Variants in MRTFB observed in about 807,000 individuals in gnomAD.
The protein encoded by MRTFB is myocardin-related transcription factor B.
A neutral mutation model predicts 104.2 loss-of-function variants in MRTFB; 29 were observed. The ratio of observed to expected loss-of-function variants is 0.28; its 90% CI spans 0.21 to 0.38. The LOEUF (loss-of-function observed/expected upper bound fraction) is 0.38, where lower values mean the gene tolerates loss of function less well. Among genes scored for constraint, MRTFB ranks in the 10% least tolerant of loss-of-function variants. MRTFB has a pLI of 1.00. For synonymous variants in MRTFB, 535 were observed against 519.5 expected (o/e 1.03, Z -0.41); for missense variants, 1,270 against 1,341.6 (o/e 0.95, Z 0.83).
intron 2 of MRTFB, among the ~76,000 whole-genome samples, chr16:14,127,119 G>T (rs2037151205): frequency 6.6e-6 from 1 of 152,190 alleles, no homozygotes; most frequent in Admixed American, 6.5e-5. Flanking sequence ...AGCTGGGATG[G>T]TGCAGAATAA....
chr16:14,212,447 C>T, intron 5 of MRTFB, 38 bp downstream of exon 5: 1 of 1,580,676 alleles, frequency 6.3e-7, no homozygotes, highest in African/African-American at 1.3e-5. Flanking sequence ...ACTTCTCTCT[C>T]CTTCTCTCCT....
intron 2 of MRTFB, among the ~76,000 whole-genome samples, chr16:14,115,882 C>A (rs1314503441): frequency 6.6e-6 from 1 of 152,142 alleles, no homozygotes. Flanking sequence ...TGAGTGCTTC[C>A]CCTCCCCTCC....
At chr16:14,062,213 C>T in the MRTFB span, among the ~76,000 whole-genome samples, 1 of 152,154 alleles carries the variant, frequency 6.6e-6, no homozygotes, top group African/African-American at 2.4e-5. Flanking sequence ...CTGCCTCAGC[C>T]TCCTGAGTAG....
chr16:14,156,813 A>G (rs1350682419), intron 3 of MRTFB, among the ~76,000 whole-genome samples: 1 of 152,224 alleles, frequency 6.6e-6, no homozygotes, highest in African/African-American at 2.4e-5. Context: ...AGAGACAACT[A>G]AAGACTGTAT....
chr16:14,200,665 G>A, intron 3 of MRTFB: 1 of 1,555,260 alleles, frequency 6.4e-7, no homozygotes, highest in Non-Finnish European at 8.9e-7. Flanking sequence ...AGAGCCACTG[G>A]GTGTTTGAAT....
chr16:14,017,059 T>C, the MRTFB span, among the ~76,000 whole-genome samples: 6 of 146,594 alleles, frequency 4.1e-5, no homozygotes, highest in East Asian at 2.0e-4. Context: ...TCTTCTTCTT[T>C]TTTTTTTTTT....
chr16:14,173,865 A>G (rs79857939), intron 3 of MRTFB, among the ~76,000 whole-genome samples: 3,807 of 152,266 alleles, frequency 0.025, 180 homozygotes, highest in African/African-American at 0.087. Context: ...GCTTAAATGC[A>G]TGGCATAGGT....
chr16:14,136,488 A>G (rs1182612211), intron 2 of MRTFB, among the ~76,000 whole-genome samples: 3 of 151,996 alleles, frequency 2.0e-5, no homozygotes, highest in South Asian at 2.1e-4. Flanking sequence ...TCCCAAACCA[A>G]TTGTAGCAGA....
At chr16:14,185,421 T>C (rs1432748939) in intron 3 of MRTFB, among the ~76,000 whole-genome samples, 1 of 152,210 alleles carries the variant, frequency 6.6e-6, no homozygotes, top group African/African-American at 2.4e-5. Flanking sequence ...GAGGGTCTCA[T>C]CAGGTGCATG....
intron 16 of MRTFB, among the ~76,000 whole-genome samples, chr16:14,258,800 T>C (rs1409338384): frequency 6.6e-6 from 1 of 152,232 alleles, no homozygotes; most frequent in African/African-American, 2.4e-5. Flanking sequence ...TTTTCTACAA[T>C]ATAATATGAA....
chr16:14,102,555 G>T (rs2035759658), intron 2 of MRTFB, among the ~76,000 whole-genome samples: 2 of 152,264 alleles, frequency 1.3e-5, no homozygotes, highest in South Asian at 4.1e-4. Flanking sequence ...GAGTTTTTGT[G>T]TTTTCTAGAG....
chr16:14,102,990 G>A (rs1265888477), intron 2 of MRTFB, among the ~76,000 whole-genome samples: 2 of 152,152 alleles, frequency 1.3e-5, no homozygotes, highest in Admixed American at 1.3e-4. Flanking sequence ...CCCTTTGCCA[G>A]GAGTGCCCTC....
chr16:14,089,129 C>T (rs1300018025), intron 2 of MRTFB, among the ~76,000 whole-genome samples: 2 of 152,188 alleles, frequency 1.3e-5, no homozygotes, highest in Non-Finnish European at 2.9e-5. Flanking sequence ...TGACTTTGAC[C>T]ATTTTAAATA....
In MRTFB at chr16:14,254,229, C is replaced by T. The variant is rs543182933; in HGVS notation, c.2703+1727C>T. Among the ~76,000 whole-genome samples, 3 of 152,344 alleles carry T rather than the reference C, an allele frequency of 2.0e-5. No individual in the cohort carries two copies. The South Asian group carries it at 6.2e-4, about 32-fold the overall frequency. ...GTTTAAATACATTTACTCAGACTTG[C>T]AATTCCACGAGTGGCTAAGTAAGGC... On this transcript the variant is annotated intron_variant, in intron 15 of 16. Transcript: ENST00000571589.
At chr16:14,180,906 T>G (rs942574723) in intron 3 of MRTFB, among the ~76,000 whole-genome samples, 5 of 152,184 alleles carry the variant, frequency 3.3e-5, no homozygotes, top group Non-Finnish European at 7.3e-5. Flanking sequence ...TGTTGTGGTG[T>G]TCAATTCTGC....
chr16:14,015,029 A>T, the MRTFB span, among the ~76,000 whole-genome samples: 1 of 152,212 alleles, frequency 6.6e-6, no homozygotes, highest in Non-Finnish European at 1.5e-5. Context: ...TATCGAGGCT[A>T]GCTAGGATTT....
chr16:14,248,738 G>C (rs1567217844), intron 12 of MRTFB, 188 bp from the exon 13 acceptor site: 2 of 569,356 alleles, frequency 3.5e-6, no homozygotes, highest in Non-Finnish European at 6.1e-6. Flanking sequence ...TGACTGGTCT[G>C]ATGTTTCCCT....
chr16:13,996,655 C>T, the MRTFB span, among the ~76,000 whole-genome samples: 2 of 152,162 alleles, frequency 1.3e-5, no homozygotes, highest in Non-Finnish European at 2.9e-5. Flanking sequence ...TAATCACCTA[C>T]ATAAAGATAG....
intron 12 of MRTFB, 53 bp downstream of exon 12, chr16:14,247,560 A>C: frequency 1.4e-6 from 2 of 1,477,282 alleles, no homozygotes; most frequent in Non-Finnish European, 1.8e-6. Context: ...TGGAATGCAA[A>C]CCCTGCTAAG....
Sources: allele counts gnomAD v4.1 joint callset (sites outside exome capture counted in the v4.1 genomes callset), GRCh38; gene constraint gnomAD v4.1.1; transcripts MANE v1.5; gene names NCBI Gene and HGNC (gene_info 2026-07-23, HGNC 2026-07-21).